Variants in FAT2 observed in about 807,000 individuals in gnomAD.
FAT2 encodes FAT atypical cadherin 2.
Under a neutral mutation model 295.3 loss-of-function variants are expected in FAT2, and 150 were observed. The ratio of observed to expected loss-of-function variants is 0.51; its 90% CI spans 0.44 to 0.58. The LOEUF (loss-of-function observed/expected upper bound fraction) is 0.58. FAT2 is among the 20% of genes least tolerant of loss of function. FAT2 has a pLI of 0.00. For synonymous variants in FAT2, 2,026 were observed against 2,150.3 expected (o/e 0.94, Z 1.60); for missense variants, 4,868 against 5,442.7 (o/e 0.89, Z 3.32).
chr5:151,514,180 A>G (rs1752602922), intron 20 of FAT2, among the ~76,000 whole-genome samples: 6 of 152,230 alleles, frequency 3.9e-5, no homozygotes, highest in Non-Finnish European at 8.8e-5. Context: ...AAAAGGAGAC[A>G]CTATTATTAG....
intron 13 of FAT2, among the ~76,000 whole-genome samples, chr5:151,533,396 ACACACAC>A (rs1561837165): frequency 2.7e-4 from 19 of 70,216 alleles, no homozygotes; most frequent in East Asian, 1.8e-3. Flanking sequence ...TATCTCCAAC[ACACACAC>A]ACACACACAC....
At chr5:151,590,346 C>T (rs143674570) in intron 1 of FAT2, among the ~76,000 whole-genome samples, 59 of 152,340 alleles carry the variant, frequency 3.9e-4, no homozygotes, top group African/African-American at 1.4e-3. Context: ...CAAACTTCTG[C>T]ACTGCCTCAC....
At chr5:151,522,177 C>T (rs775741874) in intron 18 of FAT2, 91 bp from the exon 19 acceptor site, 1 of 1,044,666 alleles carries the variant, frequency 9.6e-7, no homozygotes, top group African/African-American at 1.6e-5. Flanking sequence ...AGCTACGTTT[C>T]TCTGCCCCAC....
At chr5:151,565,573 C>A in intron 2 of FAT2, 100 bp downstream of exon 2, 2 of 1,227,844 alleles carry the variant, frequency 1.6e-6, no homozygotes, top group Non-Finnish European at 2.2e-6. Flanking sequence ...TTTCAGCCTG[C>A]AGGCTGACTC....
At position 151,550,781 on chromosome 5, in the gene FAT2, G is replaced by T; in HGVS notation, c.4387C>A (p.Pro1463Thr). ...YEVRVPQDTV[P>T]GVELLRVQAI... ...TGGACTCGCAGGAGCTCTACCCCTG[G>T]CACGGTGTCCTGGGGAACTCTGACT... Residue 1463 changes from proline to threonine, a missense_variant, in exon 8 of 24, where the codon CCA (proline) becomes ACA (threonine). Physicochemically the swap from Pro to Thr is conservative, Grantham distance 38. Transcript: ENST00000261800. The T allele has an allele frequency of 6.2e-7, 1 of 1,614,066 alleles. No individual in the cohort carries two copies. Among genetic ancestry groups the T allele is most frequent in the Non-Finnish European group, 8.5e-7 (1 of 1,180,008 alleles).
At chr5:151,537,201 A>G (rs947195830) in intron 12 of FAT2, among the ~76,000 whole-genome samples, 1 of 146,864 alleles carries the variant, frequency 6.8e-6, no homozygotes. Context: ...GAGAGAGAGA[A>G]AGAAGAAGAG....
chr5:151,584,489 A>G (rs757994821), intron 1 of FAT2, among the ~76,000 whole-genome samples: 3 of 152,236 alleles, frequency 2.0e-5, no homozygotes, highest in Non-Finnish European at 4.4e-5. Flanking sequence ...AGACTTGTCC[A>G]AGGTCATACC....
At chr5:151,573,003 T>C (rs1320181552) in intron 1 of FAT2, among the ~76,000 whole-genome samples, 1 of 152,224 alleles carries the variant, frequency 6.6e-6, no homozygotes, top group Non-Finnish European at 1.5e-5. Flanking sequence ...AGTAGTCAAT[T>C]TTTTGAATAA....
At chr5:151,523,832 G>A (rs756486710) in intron 18 of FAT2, among the ~76,000 whole-genome samples, 2 of 152,194 alleles carry the variant, frequency 1.3e-5, no homozygotes, top group Non-Finnish European at 1.5e-5. Flanking sequence ...ACAGAGCTTC[G>A]GTTTAGCCCA....
intron 16 of FAT2, 67 bp from the exon 17 acceptor site, chr5:151,527,444 A>C: frequency 7.0e-7 from 1 of 1,428,572 alleles, no homozygotes. Flanking sequence ...CCCCTGAGTC[A>C]TCACTAATAT....
chr5:151,534,758 G>A, intron 12 of FAT2, 116 bp from the exon 13 acceptor site: 1 of 808,372 alleles, frequency 1.2e-6, no homozygotes, highest in Non-Finnish European at 2.0e-6. Flanking sequence ...TTCACAGCAA[G>A]GAGGGGTCAA....
chr5:151,507,504 A>C lies in FAT2; in HGVS notation c.12167T>G (p.Val4056Gly), dbSNP rs1581263236. 6.2e-7 allele frequency: 1 copy of C among 1,614,170 alleles called. No individual in the cohort carries two copies. Among genetic ancestry groups the C allele is most frequent in the Non-Finnish European group, 8.5e-7 (1 of 1,180,028 alleles). ...QQELLIITVA[V>G]AFIIISTVGL... ...GACAGTGCTTATGATAATGAACGCCACGGCCACTGTGATGATCAGTAACTC... is the reference window on the plus strand; with the variant it reads ...GACAGTGCTTATGATAATGAACGCCCCGGCCACTGTGATGATCAGTAACTC... The change falls in exon 23 of 24, where the codon GTG becomes GGG. Residue 4056 changes from valine (V) to glycine (G), a missense_variant. Physicochemically the swap from Val to Gly is moderately radical, Grantham distance 109. This residue lies in a region of FAT2 where 492 missense variants were observed against 482.6 expected (regional missense o/e 1.02). Coordinates refer to ENST00000261800, the MANE Select transcript of FAT2 (RefSeq NM_001447.3).
At chr5:151,577,649 CAGAGAGCTATCTTCAGGAAG>C (rs894609047) in intron 1 of FAT2, among the ~76,000 whole-genome samples, 7 of 152,008 alleles carry the variant, frequency 4.6e-5, no homozygotes, top group African/African-American at 1.5e-4. Flanking sequence ...GGAAGAGAGC[CAGAGAGCTATCTTCAGGAAG>C]AGAGTTCCAG....
intron 1 of FAT2, among the ~76,000 whole-genome samples, chr5:151,589,550 C>T (rs1181647419): frequency 6.6e-6 from 1 of 152,180 alleles, no homozygotes; most frequent in Non-Finnish European, 1.5e-5. Flanking sequence ...GGTTCTTCAT[C>T]AGCAAGATGG....
chr5:151,593,149 T>C (rs531679564), upstream of FAT2, among the ~76,000 whole-genome samples: 1 of 152,332 alleles, frequency 6.6e-6, no homozygotes, highest in South Asian at 2.1e-4. Flanking sequence ...CCAGGGAGCC[T>C]GTGATCAAGG....
rs539904149 is a variant in FAT2 at position 151,532,784 on chromosome 5, T to C, written c.9428-814A>G. Reference sequence around the variant, plus strand: ...AACACCAACATTTAAGGCTCGGCTGTGAGGTCCTCCCCCAGTGAGATGAAC... The same window carrying C: ...AACACCAACATTTAAGGCTCGGCTGCGAGGTCCTCCCCCAGTGAGATGAAC... On this transcript the variant is annotated intron_variant, in intron 13 of 23. Coordinates refer to ENST00000261800, the MANE Select transcript of FAT2 (RefSeq NM_001447.3). Among the ~76,000 whole-genome samples, 424 of 152,350 alleles carry C rather than the reference T, an allele frequency of 2.8e-3. 1 individual carries two copies. Among genetic ancestry groups the C allele is most frequent in the African/African-American group, 9.6e-3 (400 of 41,574 alleles).
Position 151,507,542 on chromosome 5 carries a change from G to A in FAT2, c.12129C>T (p.Asp4043=), listed in dbSNP as rs2127564903. The A allele has an allele frequency of 6.2e-7, 1 of 1,614,036 alleles. No individual in the cohort carries two copies. The change falls in exon 23 of 24, where the codon GAC becomes GAT. Residue 4043 remains aspartate, a synonymous_variant. Transcript: ENST00000261800. ...CLVTPEIQRG[D]WGQQELLIIT... is the part of the protein sequence containing the mutation. Reference sequence around the variant, plus strand: ...TGATCAGTAACTCCTGCTGCCCCCAGTCCCCCCTTTGGATCTCGGGAGTGA... The same window carrying A: ...TGATCAGTAACTCCTGCTGCCCCCAATCCCCCCTTTGGATCTCGGGAGTGA...
intron 19 of FAT2, among the ~76,000 whole-genome samples, chr5:151,520,040 C>T (rs2127578019): frequency 6.6e-6 from 1 of 152,356 alleles, no homozygotes; most frequent in South Asian, 2.1e-4. Flanking sequence ...TTCCCTGAAG[C>T]AGGCCCTGGG....
chr5:151,540,086 G>T (rs138813392), intron 11 of FAT2, among the ~76,000 whole-genome samples: 1 of 152,334 alleles, frequency 6.6e-6, no homozygotes, highest in Non-Finnish European at 1.5e-5. Context: ...TTGCCCATTG[G>T]GCATGGCTGG....
Sources: gnomAD v4.1 joint callset for allele counts (sites outside exome capture counted in the v4.1 genomes callset) on GRCh38, gnomAD v4.1.1 for gene constraint, gnomAD v4.1.1 regional missense constraint, MANE v1.5 for transcripts, NCBI Gene and HGNC (gene_info 2026-07-23, HGNC 2026-07-21) for gene names.